Variants in PIAS4 observed in about 807,000 individuals in gnomAD.
The protein encoded by PIAS4 is E3 SUMO-protein ligase PIAS4.
Under a neutral mutation model 58.0 loss-of-function variants are expected in PIAS4, and 7 were observed. That is an observed-to-expected ratio of 0.12 (90% CI 0.07 to 0.23). PIAS4 has a LOEUF of 0.23. Among genes scored for constraint, PIAS4 ranks in the 10% least tolerant of loss-of-function variants. PIAS4 has a pLI of 1.00. For synonymous variants in PIAS4, 364 were observed against 312.4 expected (o/e 1.17, Z -1.74); for missense variants, 550 against 709.5 (o/e 0.78, Z 2.55).
chr19:4,019,766 C>G (rs909919328), intron 2 of PIAS4, among the ~76,000 whole-genome samples: 2 of 152,170 alleles, frequency 1.3e-5, no homozygotes, highest in Admixed American at 1.3e-4. Context: ...AGCATATAAA[C>G]GGGAACCGGC....
chr19:4,034,256 C>T (rs1206010848), intron 9 of PIAS4, among the ~76,000 whole-genome samples: 1 of 152,158 alleles, frequency 6.6e-6, no homozygotes, highest in Non-Finnish European at 1.5e-5. Flanking sequence ...CAGGCGGGAG[C>T]AGGCCCTGCC....
In PIAS4 at chr19:4,013,093, C is replaced by T. The variant is rs377643463; in HGVS notation, c.198C>T (p.Tyr66=). The stretch of plus-strand genomic sequence containing the variant: ...TCAAGGAGCTGTACGAGACCCGCTA[C>T]GCCAAGAAGAACTCGGAGCCTGCCC... ...KKIKELYETR[Y]AKKNSEPAPQ... Residue 66 remains tyrosine, a synonymous_variant, in exon 2 of 11, where the codon TAC becomes TAT. Transcript: ENST00000262971. This position sits in a 1 kb window ranked among gnomAD's most constrained non-coding sequence, Gnocchi z 5.1. 134 of 1,613,382 alleles carry T rather than the reference C, an allele frequency of 8.3e-5. No homozygotes were observed. Among genetic ancestry groups the T allele is most frequent in the Non-Finnish European group, 1.0e-4 (121 of 1,180,030 alleles).
At chr19:4,036,593 TACAC>T (rs1305244998) in intron 9 of PIAS4, among the ~76,000 whole-genome samples, 15 of 112,396 alleles carry the variant, frequency 1.3e-4, no homozygotes, top group African/African-American at 3.3e-4. Context: ...CACACCGTCA[TACAC>T]ACACACATCT....
chr19:4,010,464 A>G (rs1458135692), intron 1 of PIAS4, among the ~76,000 whole-genome samples: 1 of 152,246 alleles, frequency 6.6e-6, no homozygotes, highest in Non-Finnish European at 1.5e-5. Flanking sequence ...CAGAAGAAAC[A>G]TCTTGTCTGC....
intron 1 of PIAS4, 99 bp from the exon 2 acceptor site, chr19:4,012,824 G>T (rs2040009460): frequency 4.6e-6 from 6 of 1,318,572 alleles, no homozygotes; most frequent in Non-Finnish European, 6.3e-6. Context: ...CCTGGCGAGT[G>T]GGTGTCTTTC....
chr19:4,008,660 G>A (rs2039965710), intron 1 of PIAS4, among the ~76,000 whole-genome samples: 1 of 152,132 alleles, frequency 6.6e-6, no homozygotes, highest in South Asian at 2.1e-4. Context: ...TGAGGCTACT[G>A]ATTCTGCTTC....
intron 2 of PIAS4, among the ~76,000 whole-genome samples, chr19:4,021,923 AT>A (rs2040113956): frequency 6.6e-6 from 1 of 151,060 alleles, no homozygotes; most frequent in African/African-American, 2.4e-5. Context: ...TAATTTAAAA[AT>A]TTTTTGTAGA....
rs58598842 is a variant in PIAS4, at chr19:4,028,916, T to C, written c.802-15T>C. 17,086 of 1,611,040 alleles carry C rather than the reference T, an allele frequency of 0.011. 1,612 individuals carry two copies. In the African/African-American group the frequency reaches 0.2, roughly 19 times the overall value. On this transcript the variant is annotated splice_polypyrimidine_tract_variant and intron_variant, in intron 6 of 10. Transcript: ENST00000262971. ...CCCCGTCCTGCCAGCCCTGACCCCT[T>C]CCTTCTGTCCCCAGAGCTACTCGGT...
intron 9 of PIAS4, among the ~76,000 whole-genome samples, chr19:4,034,807 A>G (rs941939572): frequency 2.6e-5 from 4 of 152,094 alleles, no homozygotes; most frequent in Admixed American, 2.6e-4. Flanking sequence ...CGGTGTAGCC[A>G]GGGAGGCTTC....
At chr19:4,015,032 C>G (rs898640796) in intron 2 of PIAS4, among the ~76,000 whole-genome samples, 20 of 152,190 alleles carry the variant, frequency 1.3e-4, no homozygotes, top group African/African-American at 4.8e-4. Context: ...CCTTTTTTCT[C>G]TTGCAGGAGG....
At chr19:4,029,167 A>G (rs1025913065) in intron 7 of PIAS4, 131 bp downstream of exon 7, 23 of 665,660 alleles carry the variant, frequency 3.5e-5, no homozygotes, top group African/African-American at 2.9e-4. Flanking sequence ...CTGGGGGTCC[A>G]TGGCCCCCCG....
At chr19:4,023,512 C>A (rs540883278) in intron 2 of PIAS4, among the ~76,000 whole-genome samples, 1 of 152,214 alleles carries the variant, frequency 6.6e-6, no homozygotes, top group African/African-American at 2.4e-5. Flanking sequence ...TTTCTGACTG[C>A]GCCTCTGCCT....
intron 2 of PIAS4, among the ~76,000 whole-genome samples, chr19:4,019,700 A>G (rs543311098): frequency 2.0e-5 from 3 of 152,178 alleles, no homozygotes; most frequent in Admixed American, 2.0e-4. Flanking sequence ...GCCTTCCTCA[A>G]GGGCCCAGCC....
chr19:4,021,398 C>G (rs746353021), intron 2 of PIAS4, among the ~76,000 whole-genome samples: 1 of 151,950 alleles, frequency 6.6e-6, no homozygotes, highest in Non-Finnish European at 1.5e-5. Flanking sequence ...CCACCTGCCT[C>G]GCCTCCACAG....
At chr19:4,015,718 T>C (rs1482891126) in intron 2 of PIAS4, among the ~76,000 whole-genome samples, 1 of 152,100 alleles carries the variant, frequency 6.6e-6, no homozygotes, top group African/African-American at 2.4e-5. Context: ...GGGGGCCGCC[T>C]CCGGAGGACC....
intron 2 of PIAS4, among the ~76,000 whole-genome samples, chr19:4,016,066 C>T (rs565189344): frequency 6.6e-6 from 1 of 152,354 alleles, no homozygotes; most frequent in East Asian, 1.9e-4. Context: ...AGCCGACTGG[C>T]TCCTGCTCCT....
At chr19:4,019,842 A>C (rs2040091001) in intron 2 of PIAS4, among the ~76,000 whole-genome samples, 1 of 152,104 alleles carries the variant, frequency 6.6e-6, no homozygotes, top group African/African-American at 2.4e-5. Flanking sequence ...GAAACAGGTC[A>C]ACATGGGCGG....
rs745755121 is a variant in PIAS4, at chr19:4,038,734, G to GCCA, written c.*863_*865dup. The stretch of plus-strand genomic sequence containing the variant: ...GTCCACAGCTGCCGCCGCCGCCGCC[G>GCCA]CCACCATACCCCGGTCCTTGGGGCA... On this transcript the variant is annotated 3_prime_UTR_variant, in exon 11 of 11. Coordinates refer to ENST00000262971, the MANE Select transcript of PIAS4 (RefSeq NM_015897.4). This position sits in a 1 kb window ranked among gnomAD's most constrained non-coding sequence, Gnocchi z 4.1. 9.7e-4 allele frequency: 150 copies of GCCA among 154,790 alleles called. 1 individual carries two copies. Among genetic ancestry groups the GCCA allele is most frequent in the East Asian group, 2.7e-3 (14 of 5,234 alleles). The allele number at this position is 154,790 out of a possible 1,614,324, so 9.6% of individuals were successfully genotyped here. A position where few individuals can be genotyped will look rare whatever the true frequency, so the allele number is the denominator to read the frequency against.
In PIAS4 at chr19:4,024,148, C is replaced by T. The variant is rs780828973; in HGVS notation, c.539+28C>T. On this transcript the variant is annotated intron_variant, in intron 3 of 10. Transcript: ENST00000262971. ...GTGCGGCACCTCCCCCAGCCCAGCA[C>T]CCCACCGCCCGCCCACCCACTTTCT... The T allele has an allele frequency of 6.5e-5, 100 of 1,541,636 alleles. No homozygotes were observed. The Middle Eastern group carries it at 1.7e-3, about 26-fold the overall frequency.
Sources: allele counts gnomAD v4.1 joint callset (sites outside exome capture counted in the v4.1 genomes callset), GRCh38; gene constraint gnomAD v4.1.1; non-coding constraint Gnocchi (gnomAD v3.1); transcripts MANE v1.5; gene names NCBI Gene and HGNC (gene_info 2026-07-23, HGNC 2026-07-21).